The following HHIPL1 variants were observed in gnomAD, a reference collection of about 807,000 sequenced individuals.
The protein encoded by HHIPL1 is HHIP like 1.
In HHIPL1, 43 loss-of-function variants were observed where a neutral mutation model predicts 61.8. That is an observed-to-expected ratio of 0.70 (90% CI 0.55 to 0.90). HHIPL1 has a LOEUF of 0.90. Among genes scored for constraint, HHIPL1 ranks in the 40% least tolerant of loss-of-function variants. The probability of loss-of-function intolerance (pLI) is 0.00; values close to 1 mark genes in which losing one functional copy is unlikely to be tolerated. For missense variants in HHIPL1, 1,056 were observed against 1,157.7 expected, an observed-to-expected ratio of 0.91 and a Z score of 1.28; for synonymous variants, 482 against 515.8, an observed-to-expected ratio of 0.93 and a Z score of 0.89.
chr14:99,675,101 G>T lies in HHIPL1; in HGVS notation c.1824G>T (p.Pro608=), dbSNP rs1463762768. ...TCTTCCTCTGCGCAGAGTTCATCCC[G>T]AAGACACGGAGCACCCCGCGGCCTA... The part of the protein sequence containing the change: ...IPFVPKEKFI[P]KTRSTPRPTA... Residue 608 remains proline, a synonymous_variant, in exon 9 of 9, where the codon CCG becomes CCT. Transcript: ENST00000330710. The surrounding 1 kb of genome is among the most constrained non-coding windows in gnomAD (Gnocchi z 5.4). The T allele has an allele frequency of 1.7e-6, 2 of 1,168,686 alleles. No individual in the cohort carries two copies. The highest frequency in any genetic ancestry group is 1.7e-5 in the African/African-American group (1 of 60,016). 72.4% of individuals were successfully genotyped at this position (1,168,686 alleles called of 1,614,324 possible). A position where few individuals can be genotyped will look rare whatever the true frequency, so the allele number is the denominator to read the frequency against.
Position 99,668,808 on chromosome 14 carries a change from C to T in HHIPL1, c.1730+505C>T, listed in dbSNP as rs763864388. 4.3e-6 allele frequency: 7 copies of T among 1,612,182 alleles called. No homozygotes were observed. In the South Asian group the frequency reaches 7.7e-5, roughly 18 times the overall value. Reference sequence around the variant, plus strand: ...CACATTGGGGCTCCCTTCGCCGGCTCCATCTCCCCGGCTTCCCTTCTAGCT... The same window carrying T: ...CACATTGGGGCTCCCTTCGCCGGCTTCATCTCCCCGGCTTCCCTTCTAGCT... On this transcript the variant is annotated intron_variant, in intron 7 of 8. Transcript: ENST00000330710. This position sits in a 1 kb window ranked among gnomAD's most constrained non-coding sequence, Gnocchi z 4.7.
intron 8 of HHIPL1, among the ~76,000 whole-genome samples, chr14:99,672,692 T>C (rs1344835824): frequency 1.3e-5 from 2 of 152,326 alleles, no homozygotes; most frequent in Admixed American, 1.3e-4. Context: ...AGGATGTATC[T>C]GTGTGTAAGC....
chr14:99,614,800 G>A, the HHIPL1 span, among the ~76,000 whole-genome samples: 6 of 152,160 alleles, frequency 3.9e-5, 1 homozygote, highest in South Asian at 4.2e-4. Flanking sequence ...GAGGGTTTCC[G>A]GAGGCCAGGA....
chr14:99,620,207 GAA>G, the HHIPL1 span, among the ~76,000 whole-genome samples: 1 of 152,224 alleles, frequency 6.6e-6, no homozygotes, highest in Non-Finnish European at 1.5e-5. Context: ...CAGGAAACAA[GAA>G]AAGAGTCCCT....
intron 1 of HHIPL1, among the ~76,000 whole-genome samples, chr14:99,648,886 C>T (rs2055882421): frequency 1.3e-5 from 2 of 152,162 alleles, no homozygotes; most frequent in African/African-American, 2.4e-5. Flanking sequence ...GACCCAGGGC[C>T]ATGAGTCACG....
At chr14:99,626,822 T>G in the HHIPL1 span, among the ~76,000 whole-genome samples, 2 of 152,188 alleles carry the variant, frequency 1.3e-5, no homozygotes, top group African/African-American at 4.8e-5. Context: ...CAGGCTCCTC[T>G]GCGCTCCCCT....
chr14:99,604,626 G>T, the HHIPL1 span: 2 of 152,130 alleles, frequency 1.3e-5, no homozygotes, highest in Non-Finnish European at 2.9e-5. Context: ...GTACGGCTGC[G>T]GGGAGGGGGA....
chr14:99,647,657 G>T (rs2055863069), intron 1 of HHIPL1, among the ~76,000 whole-genome samples: 2 of 152,222 alleles, frequency 1.3e-5, no homozygotes, highest in Non-Finnish European at 2.9e-5. Flanking sequence ...CACTGACGGG[G>T]CCTCCTGGAG....
In HHIPL1 at chr14:99,678,689, G is replaced by A. The variant is rs2140102176; in HGVS notation, c.*3063G>A. 1 of 152,366 alleles carries A rather than the reference G, an allele frequency of 6.6e-6. No homozygotes were observed. The highest frequency in any genetic ancestry group is 2.4e-5 in the African/African-American group (1 of 41,586). 9.4% of individuals were successfully genotyped at this position (152,366 alleles called of 1,614,324 possible). A position where few individuals can be genotyped will look rare whatever the true frequency, so the allele number is the denominator to read the frequency against. On this transcript the variant is annotated 3_prime_UTR_variant, in exon 9 of 9. Transcript: ENST00000330710. ...TATTCCCAAATAAGGAAGGGGTATA[G>A]GCTGTGAGCTGGGACATGCCTGTGA...
intron 1 of HHIPL1, among the ~76,000 whole-genome samples, chr14:99,649,651 C>T (rs956395400): frequency 1.1e-4 from 17 of 152,058 alleles, no homozygotes; most frequent in African/African-American, 4.1e-4. Flanking sequence ...GAAAATTAGC[C>T]GGGTGTGGTA....
the HHIPL1 span, among the ~76,000 whole-genome samples, chr14:99,617,785 G>A: frequency 2.6e-5 from 4 of 152,280 alleles, no homozygotes; most frequent in South Asian, 8.3e-4. Flanking sequence ...AGGAAGCCTG[G>A]TCAGGCCCTC....
At chr14:99,615,907 G>T in the HHIPL1 span, among the ~76,000 whole-genome samples, 1 of 152,142 alleles carries the variant, frequency 6.6e-6, no homozygotes, top group Admixed American at 6.5e-5. Flanking sequence ...TTAGAGCTCT[G>T]TCGGAGTTTG....
the HHIPL1 span, among the ~76,000 whole-genome samples, chr14:99,638,493 C>T: frequency 6.6e-6 from 1 of 152,228 alleles, no homozygotes; most frequent in Non-Finnish European, 1.5e-5. Flanking sequence ...TGGGTGTCCA[C>T]TGGCCTATGT....
At position 99,660,241 on chromosome 14, in the gene HHIPL1, C is replaced by T; in HGVS notation, c.1376-39C>T. On this transcript the variant is annotated intron_variant, in intron 4 of 8. Transcript: ENST00000330710. The surrounding 1 kb of genome is among the most constrained non-coding windows in gnomAD (Gnocchi z 4.9). The stretch of plus-strand genomic sequence containing the variant: ...TCTCCTGGCTGATGAACCTTCCCGC[C>T]GCTGGCTCACCGAAGCTTCTCTCCC... 1 of 1,612,838 alleles carries T rather than the reference C, an allele frequency of 6.2e-7. No homozygotes were observed. Among genetic ancestry groups the T allele is most frequent in the South Asian group, 1.1e-5 (1 of 90,988 alleles).
chr14:99,641,771 G>C (rs747791305), upstream of HHIPL1, among the ~76,000 whole-genome samples: 1 of 151,972 alleles, frequency 6.6e-6, no homozygotes, highest in Admixed American at 6.6e-5. Flanking sequence ...CTATAGGTAA[G>C]GTATTTTTCC....
Position 99,678,527 on chromosome 14 carries a change from T to A in HHIPL1, c.*2901T>A, listed in dbSNP as rs1305703485. The A allele has an allele frequency of 6.6e-6, 1 of 152,236 alleles. No homozygotes were observed. The highest frequency in any genetic ancestry group is 1.9e-4 in the East Asian group (1 of 5,208). 9.4% of individuals were successfully genotyped at this position (152,236 alleles called of 1,614,324 possible). On this transcript the variant is annotated 3_prime_UTR_variant, in exon 9 of 9. Coordinates refer to ENST00000330710, the MANE Select transcript of HHIPL1 (RefSeq NM_001127258.3). ...TTTGTCCCTGCTACTGTGTCCTATG[T>A]CCATTGGCAGAAGCCAGACCGCACA...
intron 2 of HHIPL1, among the ~76,000 whole-genome samples, chr14:99,654,476 C>T (rs990745309): frequency 6.6e-6 from 1 of 152,180 alleles, no homozygotes; most frequent in Non-Finnish European, 1.5e-5. Flanking sequence ...AGGCTCCTGC[C>T]AATGCTGTCC....
At chr14:99,634,827 C>T in the HHIPL1 span, among the ~76,000 whole-genome samples, 1 of 152,140 alleles carries the variant, frequency 6.6e-6, no homozygotes, top group East Asian at 1.9e-4. Context: ...CAGTCCGCAG[C>T]GGGAGTGCTG....
chr14:99,662,467 C>T (rs919424701), intron 5 of HHIPL1, among the ~76,000 whole-genome samples: 1 of 152,156 alleles, frequency 6.6e-6, no homozygotes, highest in Non-Finnish European at 1.5e-5. Flanking sequence ...TTGCATTCAG[C>T]GGGCAGTAAC....
Sources: gnomAD v4.1 joint callset for allele counts (sites outside exome capture counted in the v4.1 genomes callset) on GRCh38, gnomAD v4.1.1 for gene constraint, Gnocchi (gnomAD v3.1) non-coding constraint, MANE v1.5 for transcripts, NCBI Gene and HGNC (gene_info 2026-07-23, HGNC 2026-07-21) for gene names.